ADGRL2: variants seen among roughly 807,000 people sequenced by gnomAD.
ADGRL2 encodes adhesion G protein-coupled receptor L2, also known as calcium-independent alpha-latrotoxin receptor 2.
In ADGRL2, 44 loss-of-function variants were observed where a neutral mutation model predicts 157.4. The ratio of observed to expected loss-of-function variants is 0.28; its 90% confidence interval spans 0.22 to 0.36. ADGRL2 has a LOEUF of 0.36. Among genes scored for constraint, ADGRL2 ranks in the 10% least tolerant of loss-of-function variants. The pLI is 1.00. For synonymous variants in ADGRL2, 585 were observed against 624.7 expected, an observed-to-expected ratio of 0.94 and a Z score of 0.95; for missense variants, 1,510 against 1,768.9, an observed-to-expected ratio of 0.85 and a Z score of 2.63.
intron 2 of ADGRL2, among the ~76,000 whole-genome samples, chr1:81,570,307 C>G (rs145793482): frequency 8.5e-5 from 13 of 152,304 alleles, no homozygotes; most frequent in African/African-American, 3.1e-4. Context: ...AATGAAGAAA[C>G]TGCACTGAAA....
intron 3 of ADGRL2, among the ~76,000 whole-genome samples, chr1:81,660,417 T>C (rs2082626425): frequency 6.6e-6 from 1 of 152,152 alleles, no homozygotes; most frequent in Non-Finnish European, 1.5e-5. Flanking sequence ...AGGCAGTTTT[T>C]CTCTGTATAA....
chr1:81,689,031 G>A (rs998261903), intron 3 of ADGRL2, among the ~76,000 whole-genome samples: 7 of 152,216 alleles, frequency 4.6e-5, no homozygotes, highest in African/African-American at 1.2e-4. Context: ...CCATCTATGG[G>A]TCTCTCAGCT....
At chr1:81,324,401 C>T (rs759955453) in intron 1 of ADGRL2, among the ~76,000 whole-genome samples, 3 of 150,694 alleles carry the variant, frequency 2.0e-5, no homozygotes, top group Non-Finnish European at 4.4e-5. Flanking sequence ...CCCAGCTATT[C>T]GGAAAGCTGA....
At chr1:81,912,988 G>A (rs373582623) in intron 3 of ADGRL2, among the ~76,000 whole-genome samples, 19 of 152,012 alleles carry the variant, frequency 1.2e-4, no homozygotes, top group East Asian at 5.8e-4. Context: ...ATGAGAAAGA[G>A]AAAAAAATCT....
intron 3 of ADGRL2, among the ~76,000 whole-genome samples, chr1:81,935,835 C>T (rs2148846380): frequency 1.3e-5 from 2 of 151,918 alleles, no homozygotes; most frequent in South Asian, 4.2e-4. Flanking sequence ...ATAGAATGTA[C>T]ATATCATTTT....
intron 11 of ADGRL2, among the ~76,000 whole-genome samples, chr1:81,965,389 A>G (rs1337345012): frequency 6.6e-6 from 1 of 152,200 alleles, no homozygotes; most frequent in African/African-American, 2.4e-5. Context: ...TGCAGGTTCT[A>G]TTTTGCCCAA....
chr1:81,846,964 T>A (rs2150410542), intron 2 of ADGRL2, among the ~76,000 whole-genome samples: 1 of 150,532 alleles, frequency 6.6e-6, no homozygotes, highest in South Asian at 2.1e-4. Flanking sequence ...GTTTATTTCC[T>A]TGTTTAAGGA....
At chr1:81,785,762 G>T (rs2087014296) in intron 2 of ADGRL2, among the ~76,000 whole-genome samples, 1 of 151,774 alleles carries the variant, frequency 6.6e-6, no homozygotes, top group Non-Finnish European at 1.5e-5. Flanking sequence ...TTCCAAAACC[G>T]AACTAGCATG....
chr1:81,478,425 G>A (rs1332861805), intron 2 of ADGRL2, among the ~76,000 whole-genome samples: 1 of 152,206 alleles, frequency 6.6e-6, no homozygotes, highest in Non-Finnish European at 1.5e-5. Flanking sequence ...ACAGCTAGAC[G>A]ACACCTCCAG....
chr1:81,983,120 G>A (rs967853318), intron 19 of ADGRL2, among the ~76,000 whole-genome samples: 1 of 151,872 alleles, frequency 6.6e-6, no homozygotes. Flanking sequence ...ACAAATCATA[G>A]ACATAGCAGA....
intron 2 of ADGRL2, among the ~76,000 whole-genome samples, chr1:81,526,097 TA>T (rs35996785): frequency 0.32 from 48,757 of 151,996 alleles, 8,534 homozygotes; most frequent in African/African-American, 0.48. Flanking sequence ...TGTTTCCTTT[TA>T]TAGACAATTA....
At chr1:81,417,993 T>A (rs945172387) in intron 1 of ADGRL2, among the ~76,000 whole-genome samples, 2 of 152,164 alleles carry the variant, frequency 1.3e-5, no homozygotes, top group Non-Finnish European at 2.9e-5. Context: ...CACTTGAAAA[T>A]AACTCATAAT....
intron 2 of ADGRL2, among the ~76,000 whole-genome samples, chr1:81,771,532 T>G (rs1479689583): frequency 2.0e-5 from 3 of 152,192 alleles, no homozygotes; most frequent in African/African-American, 7.2e-5. Context: ...CTTACTTCAA[T>G]GTATAACTAA....
intron 1 of ADGRL2, among the ~76,000 whole-genome samples, chr1:81,757,340 C>A (rs570937728): frequency 5.3e-5 from 8 of 152,042 alleles, no homozygotes; most frequent in Non-Finnish European, 1.2e-4. Flanking sequence ...CTGAGAGGGA[C>A]CCTGTACTTC....
chr1:81,344,860 T>G (rs1374739494), intron 1 of ADGRL2, among the ~76,000 whole-genome samples: 1 of 152,094 alleles, frequency 6.6e-6, no homozygotes, highest in African/African-American at 2.4e-5. Context: ...GTTTTTTCAC[T>G]TTTGTGTTAT....
At chr1:81,333,856 A>G (rs951610146) in intron 1 of ADGRL2, among the ~76,000 whole-genome samples, 4 of 152,088 alleles carry the variant, frequency 2.6e-5, no homozygotes, top group Non-Finnish European at 5.9e-5. Flanking sequence ...TGAGATTGCT[A>G]TGATGCAGTG....
chr1:81,411,632 C>T (rs997086645), intron 1 of ADGRL2, among the ~76,000 whole-genome samples: 1 of 152,164 alleles, frequency 6.6e-6, no homozygotes, highest in African/African-American at 2.4e-5. Context: ...GTGGCTCACG[C>T]CTGTAATCCC....
intron 2 of ADGRL2, among the ~76,000 whole-genome samples, chr1:81,479,508 T>C (rs1054289606): frequency 6.6e-6 from 1 of 151,976 alleles, no homozygotes; most frequent in African/African-American, 2.4e-5. Context: ...AATTTCTTCT[T>C]AAACGCCTTT....
intron 2 of ADGRL2, among the ~76,000 whole-genome samples, chr1:81,513,330 A>C (rs1013422780): frequency 3.9e-5 from 6 of 152,110 alleles, no homozygotes; most frequent in Non-Finnish European, 8.8e-5. Flanking sequence ...TGTTTTTGAC[A>C]ATTTGATTGA....
Sources: gnomAD v4.1 joint callset for allele counts (sites outside exome capture counted in the v4.1 genomes callset) on GRCh38, gnomAD v4.1.1 for gene constraint, MANE v1.5 for transcripts, NCBI Gene and HGNC (gene_info 2026-07-23, HGNC 2026-07-21) for gene names.